Variants in OR1J2 observed in about 807,000 individuals in gnomAD.
The protein encoded by OR1J2 is olfactory receptor family 1 subfamily J member 2, also known as olfactory receptor 1J2.
For missense variants in OR1J2, 304 were observed against 246.1 expected, an observed-to-expected ratio of 1.24 and a Z score of -1.57; for synonymous variants, 142 against 99.7, an observed-to-expected ratio of 1.42 and a Z score of -2.52.
the OR1J2 span, among the ~76,000 whole-genome samples, chr9:122,569,212 G>T: frequency 2.7e-4 from 41 of 152,180 alleles, no homozygotes; most frequent in African/African-American, 9.9e-4. Context: ...GTTTGCACAA[G>T]TCTCCCTTTT....
the OR1J2 span, chr9:122,475,700 G>A: frequency 6.6e-6 from 1 of 152,122 alleles, no homozygotes; most frequent in Admixed American, 6.5e-5. Flanking sequence ...AGGTCTTGGT[G>A]CCTCAGTTGA....
At chr9:122,568,004 G>A in the OR1J2 span, 2 of 1,614,106 alleles carry the variant, frequency 1.2e-6, no homozygotes, top group East Asian at 4.5e-5. Context: ...GTGTGTGCAG[G>A]AGTGAGTGGA....
At chr9:122,525,303 C>T in the OR1J2 span, among the ~76,000 whole-genome samples, 2 of 152,094 alleles carry the variant, frequency 1.3e-5, no homozygotes, top group Non-Finnish European at 2.9e-5. Context: ...ATGAAAGATG[C>T]TCCATAAGTA....
At chr9:122,563,328 G>A in the OR1J2 span, among the ~76,000 whole-genome samples, 1 of 151,966 alleles carries the variant, frequency 6.6e-6, no homozygotes, top group African/African-American at 2.4e-5. Flanking sequence ...ATATTTCATT[G>A]TGATTTTGAT....
At chr9:122,550,490 A>C in the OR1J2 span, among the ~76,000 whole-genome samples, 1 of 152,192 alleles carries the variant, frequency 6.6e-6, no homozygotes, top group African/African-American at 2.4e-5. Context: ...TAGATGCAAA[A>C]ATTCTCCATA....
At chr9:122,477,734 G>T in the OR1J2 span, 2 of 1,614,162 alleles carry the variant, frequency 1.2e-6, no homozygotes, top group South Asian at 2.2e-5. Context: ...AGGGCCAAGT[G>T]GCTAAGGAAG....
the OR1J2 span, among the ~76,000 whole-genome samples, chr9:122,495,664 A>G: frequency 2.6e-5 from 4 of 152,134 alleles, no homozygotes; most frequent in African/African-American, 9.7e-5. Context: ...TTAATAATCG[A>G]ACTCCTGAAT....
chr9:122,494,596 G>A, the OR1J2 span, among the ~76,000 whole-genome samples: 13 of 152,266 alleles, frequency 8.5e-5, no homozygotes, highest in East Asian at 2.3e-3. Context: ...CGAGTCTCCT[G>A]AAGAGAGCAG....
chr9:122,534,172 T>A, the OR1J2 span, among the ~76,000 whole-genome samples: 1 of 152,162 alleles, frequency 6.6e-6, no homozygotes, highest in Non-Finnish European at 1.5e-5. Context: ...TCTTGTGTGC[T>A]GGAGATGTGG....
the OR1J2 span, among the ~76,000 whole-genome samples, chr9:122,472,248 A>C: frequency 2.6e-5 from 4 of 152,230 alleles, no homozygotes; most frequent in African/African-American, 4.8e-5. Context: ...ACAGTAGTTA[A>C]AGTCCTTTTA....
the OR1J2 span, among the ~76,000 whole-genome samples, chr9:122,502,199 A>G: frequency 3.3e-5 from 5 of 152,346 alleles, no homozygotes; most frequent in East Asian, 7.7e-4. Flanking sequence ...GTAAATAGTT[A>G]TGAGTGGGGA....
chr9:122,491,164 C>A, the OR1J2 span, among the ~76,000 whole-genome samples: 1 of 152,130 alleles, frequency 6.6e-6, no homozygotes, highest in Non-Finnish European at 1.5e-5. Context: ...GAGTTGAAAA[C>A]CTCTCTAAAT....
At chr9:122,479,110 CAT>C in the OR1J2 span, among the ~76,000 whole-genome samples, 2 of 152,068 alleles carry the variant, frequency 1.3e-5, no homozygotes, top group Non-Finnish European at 1.5e-5. Context: ...AGCGCGAAAA[CAT>C]ATATATATTC....
chr9:122,466,739 A>G, the OR1J2 span, among the ~76,000 whole-genome samples: 1 of 152,178 alleles, frequency 6.6e-6, no homozygotes, highest in African/African-American at 2.4e-5. Context: ...CTTTCAGTGA[A>G]GGGGCTCCAA....
At chr9:122,458,741 G>T in the OR1J2 span, among the ~76,000 whole-genome samples, 2 of 152,158 alleles carry the variant, frequency 1.3e-5, no homozygotes, top group African/African-American at 2.4e-5. Context: ...AGATTTGGGT[G>T]GGTACACAGC....
the OR1J2 span, chr9:122,527,102 C>A: frequency 6.2e-7 from 1 of 1,614,190 alleles, no homozygotes; most frequent in Non-Finnish European, 8.5e-7. Flanking sequence ...CAACAAAAGA[C>A]AGGTTGGCCA....
the OR1J2 span, among the ~76,000 whole-genome samples, chr9:122,547,651 G>C: frequency 6.6e-6 from 1 of 151,558 alleles, no homozygotes; most frequent in Admixed American, 6.6e-5. Context: ...GTGTGTGTGT[G>C]TGTGTGTACA....
chr9:122,515,948 TC>T (rs761900686), downstream of OR1J2, among the ~76,000 whole-genome samples: 5 of 152,158 alleles, frequency 3.3e-5, no homozygotes, highest in Admixed American at 6.5e-5. Context: ...CTGAGTTTGT[TC>T]CCTAGAGGTC....
downstream of OR1J2, among the ~76,000 whole-genome samples, chr9:122,512,935 A>G (rs1828657659): frequency 6.6e-6 from 1 of 152,218 alleles, no homozygotes; most frequent in Non-Finnish European, 1.5e-5. Flanking sequence ...TCTGAACTGA[A>G]ACAATTATTT....
Sources: allele counts gnomAD v4.1 joint callset (sites outside exome capture counted in the v4.1 genomes callset), GRCh38; gene constraint gnomAD v4.1.1; transcripts MANE v1.5; gene names NCBI Gene and HGNC (gene_info 2026-07-23, HGNC 2026-07-21).